The following DCT variants were observed in gnomAD, a reference collection of about 807,000 sequenced individuals.
DCT encodes the protein dopachrome tautomerase.
Under a neutral mutation model 53.0 loss-of-function variants are expected in DCT, and 47 were observed. The observed-to-expected ratio is 0.89, with a 90% confidence interval of 0.70 to 1.13. The LOEUF (loss-of-function observed/expected upper bound fraction) is 1.13, where lower values mean the gene tolerates loss of function less well. Ranked by LOEUF, DCT falls within the 50% of genes most tolerant of loss-of-function variation. The pLI, the probability that DCT is intolerant of heterozygous loss-of-function variation, is 0.00. For missense variants in DCT, 669 were observed against 637.4 expected (o/e 1.05, Z -0.53); for synonymous variants, 244 against 237.0 (o/e 1.03, Z -0.27).
intron 1 of DCT, among the ~76,000 whole-genome samples, chr13:94,471,290 G>A (rs1365309446): frequency 6.6e-6 from 1 of 152,018 alleles, no homozygotes; most frequent in Non-Finnish European, 1.5e-5. Context: ...AATCGGTTGA[G>A]TTTTTTTGTT....
chr13:94,487,311 T>C, the DCT span, among the ~76,000 whole-genome samples: 1 of 152,214 alleles, frequency 6.6e-6, no homozygotes, highest in Non-Finnish European at 1.5e-5. Context: ...GCAATTCATT[T>C]TACTCTCTCT....
chr13:94,513,999 A>AAAG, the DCT span, among the ~76,000 whole-genome samples: 4 of 151,238 alleles, frequency 2.6e-5, no homozygotes, highest in African/African-American at 7.3e-5. Context: ...AAAAAAAAAA[A>AAAG]AAAAAAAAAA....
chr13:94,502,024 C>CCCT, the DCT span, among the ~76,000 whole-genome samples: 583 of 98,382 alleles, frequency 5.9e-3, 1 homozygote, highest in South Asian at 9.4e-3. Flanking sequence ...TGTTCCATAG[C>CCCT]CCCAGCCCCC....
chr13:94,545,707 G>T, the DCT span, among the ~76,000 whole-genome samples: 1 of 152,022 alleles, frequency 6.6e-6, no homozygotes, highest in Non-Finnish European at 1.5e-5. Flanking sequence ...CCTCGCTATA[G>T]CAAGCTCTGA....
chr13:94,513,537 G>C, the DCT span, among the ~76,000 whole-genome samples: 1 of 152,096 alleles, frequency 6.6e-6, no homozygotes, highest in Non-Finnish European at 1.5e-5. Context: ...GCATTTGTTA[G>C]GCACTTACTA....
intron 1 of DCT, among the ~76,000 whole-genome samples, chr13:94,472,539 TATATATATATATATATATATATATATA>T (rs1566854786): frequency 6.2e-4 from 16 of 25,706 alleles, no homozygotes; most frequent in African/African-American, 1.9e-3. Context: ...TATATATATA[TATATATATATATATATATATATATATA>T]TATTTTTTTT....
intron 6 of DCT, among the ~76,000 whole-genome samples, chr13:94,449,536 T>A (rs1208912493): frequency 1.3e-5 from 2 of 152,200 alleles, no homozygotes; most frequent in Non-Finnish European, 2.9e-5. Flanking sequence ...TCTGGTCCTC[T>A]GAGAGTCAGA....
At chr13:94,507,922 A>C in the DCT span, among the ~76,000 whole-genome samples, 1 of 152,224 alleles carries the variant, frequency 6.6e-6, no homozygotes, top group Non-Finnish European at 1.5e-5. Context: ...TTCATTCATG[A>C]TAGAAGAAAT....
At chr13:94,480,452 T>A (rs1885392956), upstream of DCT, among the ~76,000 whole-genome samples, 1 of 152,206 alleles carries the variant, frequency 6.6e-6, no homozygotes, top group Non-Finnish European at 1.5e-5. Flanking sequence ...GGTAACTGTT[T>A]CACAGTGGAA....
At chr13:94,460,026 T>C (rs1883674453) in intron 6 of DCT, 65 bp downstream of exon 6, 2 of 1,477,162 alleles carry the variant, frequency 1.4e-6, no homozygotes, top group Non-Finnish European at 1.9e-6. Context: ...ACATTAATTG[T>C]ATGAAAAAAT....
At chr13:94,500,154 T>G in the DCT span, among the ~76,000 whole-genome samples, 1 of 152,092 alleles carries the variant, frequency 6.6e-6, no homozygotes, top group African/African-American at 2.4e-5. Flanking sequence ...TTCATCAACA[T>G]CTCCCCATTT....
Position 94,439,074 on chromosome 13 carries a change from G to T in DCT, c.*824C>A. 5.8e-6 allele frequency: 1 copy of T among 173,748 alleles called. No individual in the cohort carries two copies. Among genetic ancestry groups the T allele is most frequent in the Non-Finnish European group, 1.2e-5 (1 of 82,278 alleles). 10.8% of individuals were successfully genotyped at this position (173,748 alleles called of 1,614,324 possible). ...CCTTGGAAAGAGTAATTCTGTATTT[G>T]TTAATAGGTTTACAGTAGCATATCA... On this transcript the variant is annotated 3_prime_UTR_variant, in exon 8 of 8. Transcript: ENST00000377028.
chr13:94,547,984 A>AAAAAATATATATATATATATATATATAT, the DCT span, among the ~76,000 whole-genome samples: 1 of 65,844 alleles, frequency 1.5e-5, no homozygotes, highest in African/African-American at 1.3e-4. Context: ...AAAAAAAAAA[A>AAAAAATATATATATATATATATATATAT]ATATATATAT....
chr13:94,454,802 C>T (rs567585526), intron 6 of DCT, among the ~76,000 whole-genome samples: 5 of 152,264 alleles, frequency 3.3e-5, no homozygotes, highest in South Asian at 4.2e-4. Flanking sequence ...GCTGAATTGG[C>T]TTCAGCATAA....
At chr13:94,504,508 C>T in the DCT span, among the ~76,000 whole-genome samples, 3 of 152,150 alleles carry the variant, frequency 2.0e-5, no homozygotes, top group African/African-American at 7.2e-5. Flanking sequence ...GCTGGGATTA[C>T]AGGTGCCTGC....
At position 94,479,110 on chromosome 13, in the gene DCT, G is replaced by A. The variant is rs535988751; in HGVS notation, c.146C>T (p.Ala49Val). ...ECCPRLGAESANVCGSQQGRG... is the reference protein window; with the variant it reads ...ECCPRLGAESVNVCGSQQGRG... The stretch of plus-strand genomic sequence containing the variant: ...GCCTTGCTGAGAGCCACAGACATTG[G>A]CCGACTCTGCACCCAGGCGTGGGCA... Residue 49 changes from alanine (A) to valine (V), a missense_variant, in exon 1 of 8, where the codon GCC (alanine) becomes GTC (valine). By Grantham distance (64) the Ala-to-Val change is moderately conservative (BLOSUM62 0). Coordinates refer to ENST00000377028, the MANE Select transcript of DCT (RefSeq NM_001922.5). 2 of 1,614,210 alleles carry A rather than the reference G, an allele frequency of 1.2e-6. No individual in the cohort carries two copies. The highest frequency in any genetic ancestry group is 2.2e-5 in the South Asian group (2 of 91,086).
Position 94,479,102 on chromosome 13 carries a change from A to G in DCT, c.154T>C (p.Cys52Arg). ...PRLGAESANV[C>R]GSQQGRGQCT... ...TGCCCCCGGCCTTGCTGAGAGCCAC[A>G]GACATTGGCCGACTCTGCACCCAGG... The change falls in exon 1 of 8, where the codon TGT (cysteine) becomes CGT (arginine). Residue 52 changes from cysteine (C) to arginine (R), a missense_variant. Physicochemically the swap from Cys to Arg is radical, Grantham distance 180. Transcript: ENST00000377028. The G allele has an allele frequency of 6.2e-7, 1 of 1,614,188 alleles. No homozygotes were observed. The highest frequency in any genetic ancestry group is 2.2e-5 in the East Asian group (1 of 44,870).
the DCT span, among the ~76,000 whole-genome samples, chr13:94,488,525 G>A: frequency 1.3e-5 from 2 of 151,824 alleles, no homozygotes; most frequent in Admixed American, 1.3e-4. Flanking sequence ...GACCAGCCTC[G>A]GCAACATGGC....
chr13:94,475,382 C>T (rs1333840116), intron 1 of DCT, among the ~76,000 whole-genome samples: 2 of 152,148 alleles, frequency 1.3e-5, no homozygotes, highest in Non-Finnish European at 2.9e-5. Flanking sequence ...TTTGCGACAG[C>T]ATGGATGGAC....
Sources: allele counts gnomAD v4.1 joint callset (sites outside exome capture counted in the v4.1 genomes callset), GRCh38; gene constraint gnomAD v4.1.1; transcripts MANE v1.5; gene names NCBI Gene and HGNC (gene_info 2026-07-23, HGNC 2026-07-21).